The following PLCB4 variants were observed in gnomAD, a reference collection of about 807,000 sequenced individuals.
The protein encoded by PLCB4 is phospholipase C beta 4.
A neutral mutation model predicts 178.8 loss-of-function variants in PLCB4; 77 were observed. The observed-to-expected ratio is 0.43, with a 90% CI of 0.36 to 0.52. The LOEUF (loss-of-function observed/expected upper bound fraction) is 0.52. Ranked by LOEUF, PLCB4 falls within the 20% of genes least tolerant of loss-of-function variation. The pLI is 0.00. For missense variants in PLCB4, 1,024 were observed against 1,453.4 expected, an observed-to-expected ratio of 0.70 and a Z score of 4.80; for synonymous variants, 496 against 490.8, an observed-to-expected ratio of 1.01 and a Z score of -0.14.
At chr20:9,307,546 CAT>C (rs2094785595) in intron 3 of PLCB4, among the ~76,000 whole-genome samples, 1 of 140,154 alleles carries the variant, frequency 7.1e-6, no homozygotes, top group South Asian at 2.3e-4. Context: ...CACACACACA[CAT>C]CTTGTTATTT....
rs527369578 is a variant in PLCB4, at chr20:9,149,667, A to G, written c.-79+53325A>G. ...GAATGTTTGCATCGTAGTCCTGGCT[A>G]TGCTACTCATTGGCTATGTGACTCT... On this transcript the variant is annotated intron_variant, in intron 2 of 39. Coordinates refer to ENST00000378473, the MANE Select transcript of PLCB4 (RefSeq NM_001377142.1). 1.3e-4 allele frequency among the ~76,000 whole-genome samples: 20 copies of G among 152,260 alleles called. No individual in the cohort carries two copies. In the East Asian group the frequency reaches 3.9e-3, roughly 29 times the overall value.
chr20:9,369,597 T>C (rs1237480255), intron 9 of PLCB4, among the ~76,000 whole-genome samples: 7 of 152,190 alleles, frequency 4.6e-5, no homozygotes, highest in Admixed American at 2.6e-4. Context: ...TATATTTGAA[T>C]ACAACTGTCT....
At chr20:9,282,099 G>A (rs924073991) in intron 3 of PLCB4, among the ~76,000 whole-genome samples, 1 of 151,922 alleles carries the variant, frequency 6.6e-6, no homozygotes, top group African/African-American at 2.4e-5. Context: ...CAGTTTGGGA[G>A]AAAGCAAAGC....
intron 3 of PLCB4, among the ~76,000 whole-genome samples, chr20:9,247,511 AC>A (rs2094137879): frequency 6.6e-6 from 1 of 152,212 alleles, no homozygotes; most frequent in Non-Finnish European, 1.5e-5. Context: ...AAACTCACTC[AC>A]TTGGACACAT....
In PLCB4 at chr20:9,479,022, A is replaced by G; in HGVS notation, c.*13A>G. 1 of 1,591,144 alleles carries G rather than the reference A, an allele frequency of 6.3e-7. No homozygotes were observed. The highest frequency in any genetic ancestry group is 8.6e-7 in the Non-Finnish European group (1 of 1,159,832). On this transcript the variant is annotated 3_prime_UTR_variant, in exon 40 of 40. Transcript: ENST00000378473. ...AAATGCAAACTGAAGCAGCAAACCC[A>G]CAAAGCATCAAAAGACTCACTCACA...
At chr20:9,315,980 T>C (rs1046195621) in intron 4 of PLCB4, among the ~76,000 whole-genome samples, 1 of 151,166 alleles carries the variant, frequency 6.6e-6, no homozygotes, top group African/African-American at 2.4e-5. Context: ...GGCCAAGAAC[T>C]AAGGGAAAAG....
At chr20:9,382,816 A>G (rs534294360) in intron 13 of PLCB4, among the ~76,000 whole-genome samples, 5 of 152,184 alleles carry the variant, frequency 3.3e-5, no homozygotes, top group Admixed American at 6.5e-5. Context: ...TGAGAGTTTC[A>G]TGAAGGCAGG....
chr20:9,124,404 G>A (rs977649628), intron 2 of PLCB4, among the ~76,000 whole-genome samples: 1 of 152,094 alleles, frequency 6.6e-6, no homozygotes, highest in Non-Finnish European at 1.5e-5. Context: ...AGATGGGATG[G>A]GAGGATCCCT....
intron 2 of PLCB4, among the ~76,000 whole-genome samples, chr20:9,123,045 T>A (rs1226404933): frequency 6.6e-6 from 1 of 151,920 alleles, no homozygotes; most frequent in African/African-American, 2.4e-5. Flanking sequence ...ACAATATAGT[T>A]TGGGAAAAAT....
chr20:9,148,662 A>G (rs777195413), intron 2 of PLCB4, among the ~76,000 whole-genome samples: 1 of 152,204 alleles, frequency 6.6e-6, no homozygotes, highest in Non-Finnish European at 1.5e-5. Flanking sequence ...CCAGCCTTCT[A>G]GAATAGCTGG....
intron 3 of PLCB4, among the ~76,000 whole-genome samples, chr20:9,244,516 A>AG (rs1477522477): frequency 6.6e-6 from 1 of 152,096 alleles, no homozygotes; most frequent in Admixed American, 6.6e-5. Context: ...CCTGCAGGGA[A>AG]CAAAAAAAAG....
chr20:9,166,066 G>T (rs550174443), intron 2 of PLCB4, among the ~76,000 whole-genome samples: 1 of 152,194 alleles, frequency 6.6e-6, no homozygotes, highest in Non-Finnish European at 1.5e-5. Context: ...AGTAAAAGAT[G>T]CCAGCCCAAC....
At chr20:9,303,713 T>C (rs79652081) in intron 3 of PLCB4, among the ~76,000 whole-genome samples, 1 of 152,164 alleles carries the variant, frequency 6.6e-6, no homozygotes, top group Non-Finnish European at 1.5e-5. Context: ...AGAAGTGGGA[T>C]TGCTGGATCA....
intron 9 of PLCB4, among the ~76,000 whole-genome samples, chr20:9,367,760 T>C (rs1205056494): frequency 6.6e-6 from 1 of 152,262 alleles, no homozygotes; most frequent in Non-Finnish European, 1.5e-5. Flanking sequence ...GTCATTGTCA[T>C]ACAAGCTTTG....
chr20:9,452,625 T>C (rs1217386352), intron 32 of PLCB4, among the ~76,000 whole-genome samples: 1 of 152,206 alleles, frequency 6.6e-6, no homozygotes, highest in Non-Finnish European at 1.5e-5. Context: ...AAATAATGTT[T>C]ATATTGAAAT....
At chr20:9,357,194 T>C (rs1168753988) in intron 7 of PLCB4, among the ~76,000 whole-genome samples, 1 of 152,136 alleles carries the variant, frequency 6.6e-6, no homozygotes, top group African/African-American at 2.4e-5. Context: ...ACCAAGAAGT[T>C]CCCATGTTTT....
intron 12 of PLCB4, among the ~76,000 whole-genome samples, chr20:9,373,875 T>G (rs2148310783): frequency 6.6e-6 from 1 of 152,334 alleles, no homozygotes; most frequent in East Asian, 1.9e-4. Flanking sequence ...GTGAAACCCA[T>G]CAAGACTCTT....
At chr20:9,399,852 A>G (rs2038896954) in intron 19 of PLCB4, among the ~76,000 whole-genome samples, 1 of 152,230 alleles carries the variant, frequency 6.6e-6, no homozygotes, top group Non-Finnish European at 1.5e-5. Context: ...TGACATGAGA[A>G]GTTTTGAAAT....
At chr20:9,162,612 A>G (rs963930678) in intron 2 of PLCB4, among the ~76,000 whole-genome samples, 3 of 152,218 alleles carry the variant, frequency 2.0e-5, no homozygotes, top group Admixed American at 1.3e-4. Context: ...TACTAGTCCT[A>G]TAGTAGTTAC....
Sources: allele counts gnomAD v4.1 joint callset (sites outside exome capture counted in the v4.1 genomes callset), GRCh38; gene constraint gnomAD v4.1.1; transcripts MANE v1.5; gene names NCBI Gene and HGNC (gene_info 2026-07-23, HGNC 2026-07-21).